The following KCNK10 variants were observed in gnomAD, a reference collection of about 807,000 sequenced individuals.
The protein encoded by KCNK10 is potassium two pore domain channel subfamily K member 10, also known as potassium channel subfamily K member 10.
Under a neutral mutation model 47.7 loss-of-function variants are expected in KCNK10, and 25 were observed. The observed-to-expected ratio is 0.52, with a 90% CI of 0.38 to 0.73. The LOEUF is 0.73. Among genes scored for constraint, KCNK10 ranks in the 30% least tolerant of loss-of-function variants. The pLI, the probability that KCNK10 is intolerant of heterozygous loss-of-function variation, is 0.00. For missense variants in KCNK10, 563 were observed against 714.5 expected (o/e 0.79, Z 2.42); for synonymous variants, 303 against 285.6 (o/e 1.06, Z -0.61).
At chr14:88,299,910 A>G (rs1888060306) in intron 1 of KCNK10, among the ~76,000 whole-genome samples, 1 of 152,246 alleles carries the variant, frequency 6.6e-6, no homozygotes, top group Non-Finnish European at 1.5e-5. Flanking sequence ...TGAAGATGGC[A>G]TAGGAAAGGC....
chr14:88,223,238 T>C (rs543723889), intron 4 of KCNK10, among the ~76,000 whole-genome samples: 2 of 152,298 alleles, frequency 1.3e-5, no homozygotes, highest in South Asian at 4.2e-4. Context: ...ACCCTTGTTA[T>C]TGATCCTTGT....
At chr14:88,309,138 T>C (rs759083777) in intron 1 of KCNK10, among the ~76,000 whole-genome samples, 3 of 152,230 alleles carry the variant, frequency 2.0e-5, no homozygotes, top group Non-Finnish European at 4.4e-5. Flanking sequence ...AAATATTCAC[T>C]GAAGAAATGG....
At chr14:88,276,414 G>C (rs1459272236) in intron 1 of KCNK10, among the ~76,000 whole-genome samples, 1 of 152,024 alleles carries the variant, frequency 6.6e-6, no homozygotes, top group Admixed American at 6.6e-5. Flanking sequence ...ATAAATTTCT[G>C]TTGTGCAAAA....
chr14:88,263,460 C>G lies in KCNK10; in HGVS notation c.144G>C (p.Leu48=). 6.2e-7 allele frequency: 1 copy of G among 1,614,126 alleles called. No individual in the cohort carries two copies. Among genetic ancestry groups the G allele is most frequent in the South Asian group, 1.1e-5 (1 of 91,082 alleles). ...PAPAPTPTPR[L]SISSRATVVA... ...CCACTGTGGCTCGGGAGGAAATGGACAGGCGCGGAGTTGGAGTCGGAGCCG... is the reference window on the plus strand; with the variant it reads ...CCACTGTGGCTCGGGAGGAAATGGAGAGGCGCGGAGTTGGAGTCGGAGCCG... Residue 48 remains leucine, a synonymous_variant, in exon 2 of 7, where the codon CTG becomes CTC. Coordinates refer to ENST00000319231, the MANE Select transcript of KCNK10 (RefSeq NM_138317.3).
chr14:88,184,870 T>C lies in KCNK10; in HGVS notation c.*665A>G, dbSNP rs1284548227. On this transcript the variant is annotated 3_prime_UTR_variant, in exon 7 of 7. Coordinates refer to ENST00000319231, the MANE Select transcript of KCNK10 (RefSeq NM_138317.3). The stretch of plus-strand genomic sequence containing the variant: ...GCTTCTGTCATTGGTTAAGGTGATA[T>C]CCACAGTGTGATGTGTTTGTGATTA... The C allele has an allele frequency of 6.6e-6, 1 of 152,604 alleles. No homozygotes were observed. The highest frequency in any genetic ancestry group is 6.5e-5 in the Admixed American group (1 of 15,284). The allele number at this position is 152,604 out of a possible 1,614,324, so 9.5% of individuals were successfully genotyped here.
intron 1 of KCNK10, among the ~76,000 whole-genome samples, chr14:88,274,769 T>G (rs728255): frequency 0.47 from 71,174 of 151,814 alleles, 18,589 homozygotes; most frequent in East Asian, 0.84. Flanking sequence ...AAACTTGATG[T>G]GTCATTCATT....
At chr14:88,291,446 G>A (rs760536429) in intron 1 of KCNK10, among the ~76,000 whole-genome samples, 25 of 152,268 alleles carry the variant, frequency 1.6e-4, no homozygotes, top group East Asian at 3.9e-4. Context: ...AAGAGAATTC[G>A]CTGGAGAAAA....
intron 5 of KCNK10, 45 bp from the exon 6 acceptor site, chr14:88,188,154 T>C: frequency 6.2e-7 from 1 of 1,602,024 alleles, no homozygotes; most frequent in African/African-American, 1.3e-5. Context: ...TAGCATATGG[T>C]CTTTGCAGAG....
At chr14:88,298,045 C>T (rs1288257107) in intron 1 of KCNK10, among the ~76,000 whole-genome samples, 1 of 152,094 alleles carries the variant, frequency 6.6e-6, no homozygotes, top group Non-Finnish European at 1.5e-5. Context: ...AGCCACCAAC[C>T]GTAAGATCTT....
At chr14:88,243,852 A>G (rs1275636431) in intron 2 of KCNK10, among the ~76,000 whole-genome samples, 1 of 150,052 alleles carries the variant, frequency 6.7e-6, no homozygotes, top group African/African-American at 2.5e-5. Flanking sequence ...TTGAAGAGCA[A>G]CTCCATCTAG....
Position 88,185,598 on chromosome 14 carries a change from C to A in KCNK10, c.1569G>T (p.Met523Ile), listed in dbSNP as rs140466617. ...CCCGGTCTTTGGTGTCCGTGGGTAT[C>A]ATTCCGTTCTCCAACTCAGCGTGCT... ...IQQHAELENGMIPTDTKDREP... is the reference protein window; with the variant it reads ...IQQHAELENGIIPTDTKDREP... Residue 523 changes from methionine (M) to isoleucine (I), a missense_variant, in exon 7 of 7, where the codon ATG (methionine) becomes ATT (isoleucine). Met to Ile is a conservative substitution (Grantham distance 10, BLOSUM62 1). Coordinates refer to ENST00000319231, the MANE Select transcript of KCNK10 (RefSeq NM_138317.3). The surrounding 1 kb of genome is among the most constrained non-coding windows in gnomAD (Gnocchi z 4.3). 1.2e-6 allele frequency: 2 copies of A among 1,614,148 alleles called. No individual in the cohort carries two copies. The highest frequency in any genetic ancestry group is 1.7e-6 in the Non-Finnish European group (2 of 1,180,030).
chr14:88,234,734 T>C (rs1025731709), intron 3 of KCNK10, among the ~76,000 whole-genome samples: 1 of 152,202 alleles, frequency 6.6e-6, no homozygotes, highest in Non-Finnish European at 1.5e-5. Context: ...CTCCTGCTTC[T>C]GAATGAAGAT....
intron 2 of KCNK10, among the ~76,000 whole-genome samples, chr14:88,256,809 A>G (rs1471925443): frequency 6.6e-6 from 1 of 152,112 alleles, no homozygotes; most frequent in African/African-American, 2.4e-5. Context: ...TCCCTAACAA[A>G]TAAGCAGCAG....
chr14:88,290,220 AG>A (rs1887847904), intron 1 of KCNK10, among the ~76,000 whole-genome samples: 1 of 152,030 alleles, frequency 6.6e-6, no homozygotes, highest in Admixed American at 6.6e-5. Context: ...CAGAGAGAGG[AG>A]GCATGTGAGG....
At chr14:88,290,104 T>C (rs1414066546) in intron 1 of KCNK10, among the ~76,000 whole-genome samples, 1 of 152,192 alleles carries the variant, frequency 6.6e-6, no homozygotes, top group African/African-American at 2.4e-5. Flanking sequence ...TTTACTACTT[T>C]ACACGACAAA....
intron 4 of KCNK10, among the ~76,000 whole-genome samples, chr14:88,198,662 A>G (rs893461085): frequency 1.3e-5 from 2 of 152,102 alleles, no homozygotes; most frequent in African/African-American, 2.4e-5. Flanking sequence ...CTTTCCTTGT[A>G]TAGGGAGCTC....
chr14:88,223,147 A>C (rs1338077400), intron 4 of KCNK10, among the ~76,000 whole-genome samples: 1 of 151,988 alleles, frequency 6.6e-6, no homozygotes, highest in East Asian at 1.9e-4. Context: ...CTTGCACAAA[A>C]CCCATCACCT....
rs1566721468 is a variant in KCNK10 at position 88,310,193 on chromosome 14, C to CATATGGTATATGATATACCATATG, written c.52+12553_52+12554insCATATGGTATATCATATACCATAT. Among the ~76,000 whole-genome samples, 124 of 26,900 alleles carry CATATGGTATATGATATACCATATG rather than the reference C, an allele frequency of 4.6e-3. 2 individuals carry two copies. Among genetic ancestry groups the CATATGGTATATGATATACCATATG allele is most frequent in the East Asian group, 8.9e-3 (14 of 1,570 alleles). The allele number at this position is 26,900 out of a possible 152,430, so 17.6% of individuals were successfully genotyped here. ...TCATATGGTATATGATATACCATAT[C>CATATGGTATATGATATACCATATG]ATATGGTATATGATATACCATATCA... On this transcript the variant is annotated intron_variant, in intron 1 of 6. Coordinates refer to ENST00000319231, the MANE Select transcript of KCNK10 (RefSeq NM_138317.3).
chr14:88,308,154 C>T (rs1337350208), intron 1 of KCNK10, among the ~76,000 whole-genome samples: 1 of 152,082 alleles, frequency 6.6e-6, no homozygotes, highest in African/African-American at 2.4e-5. Context: ...ATCAGCACCC[C>T]CAGTCAAGGT....
Sources: gnomAD v4.1 joint callset for allele counts (sites outside exome capture counted in the v4.1 genomes callset) on GRCh38, gnomAD v4.1.1 for gene constraint, Gnocchi (gnomAD v3.1) non-coding constraint, MANE v1.5 for transcripts, NCBI Gene and HGNC (gene_info 2026-07-23, HGNC 2026-07-21) for gene names.